PLA2G4A: variants seen among roughly 807,000 people sequenced by gnomAD.
PLA2G4A encodes cytosolic phospholipase A2.
In PLA2G4A, 40 loss-of-function variants were observed where a neutral mutation model predicts 81.9. That is an observed-to-expected ratio of 0.49 (90% CI 0.38 to 0.64). The LOEUF (loss-of-function observed/expected upper bound fraction) is 0.64. Ranked by LOEUF, PLA2G4A falls within the 30% of genes least tolerant of loss-of-function variation. The probability of loss-of-function intolerance (pLI) is 0.00; values close to 1 mark genes in which losing one functional copy is unlikely to be tolerated. For synonymous variants in PLA2G4A, 302 were observed against 296.9 expected (o/e 1.02, Z -0.18); for missense variants, 715 against 905.1 (o/e 0.79, Z 2.69).
intron 5 of PLA2G4A, among the ~76,000 whole-genome samples, chr1:186,901,262 CATTT>C (rs1654528365): frequency 6.6e-6 from 1 of 152,144 alleles, no homozygotes; most frequent in Non-Finnish European, 1.5e-5. Flanking sequence ...ATAGAGAATG[CATTT>C]TTATTTTGGG....
chr1:186,870,594 C>T (rs112048274), intron 3 of PLA2G4A, 78 bp downstream of exon 3: 18 of 1,188,118 alleles, frequency 1.5e-5, no homozygotes, highest in Admixed American at 7.3e-5. Flanking sequence ...CTTGACAAAT[C>T]GGAGGTTCTG....
chr1:186,925,733 C>T (rs2102188880), intron 7 of PLA2G4A, among the ~76,000 whole-genome samples: 1 of 152,286 alleles, frequency 6.6e-6, no homozygotes, highest in East Asian at 1.9e-4. Context: ...CAGTTATGCT[C>T]TCTTATGGCA....
At chr1:186,954,820 T>C (rs6688401) in intron 13 of PLA2G4A, among the ~76,000 whole-genome samples, 145,856 of 152,262 alleles carry the variant, frequency 0.96, 69,907 homozygotes, top group East Asian at 1. Context: ...AAATTATTCT[T>C]TGATTTTGAT....
At chr1:186,971,911 T>C (rs570969812) in intron 15 of PLA2G4A, among the ~76,000 whole-genome samples, 15 of 152,204 alleles carry the variant, frequency 9.9e-5, no homozygotes, top group African/African-American at 3.6e-4. Context: ...AATTTCCTAT[T>C]TTTGAGACTG....
intron 1 of PLA2G4A, among the ~76,000 whole-genome samples, chr1:186,847,806 G>A (rs962614141): frequency 6.6e-6 from 1 of 151,914 alleles, no homozygotes; most frequent in African/African-American, 2.4e-5. Flanking sequence ...ATCAAGAGAG[G>A]GGCTTTAAAG....
At position 186,889,761 on chromosome 1, in the gene PLA2G4A, C is replaced by G. The variant is rs535190077; in HGVS notation, c.116-3250C>G. On this transcript the variant is annotated intron_variant, in intron 3 of 17. Transcript: ENST00000367466. Reference sequence around the variant, plus strand: ...TTTCCTTTATTTTCAACTGTTGGATCTTTTTGTTTAGACCTCTGTACTTCT... The same window carrying G: ...TTTCCTTTATTTTCAACTGTTGGATGTTTTTGTTTAGACCTCTGTACTTCT... Among the ~76,000 whole-genome samples, 44 of 48,304 alleles carry G rather than the reference C, an allele frequency of 9.1e-4. 2 individuals are homozygous for G. In the South Asian group the frequency reaches 0.044, roughly 49 times the overall value. The allele number at this position is 48,304 out of a possible 152,430, so 31.7% of individuals were successfully genotyped here.
intron 10 of PLA2G4A, among the ~76,000 whole-genome samples, chr1:186,941,085 C>T (rs1450905323): frequency 2.1e-5 from 3 of 144,830 alleles, no homozygotes; most frequent in African/African-American, 7.8e-5. Context: ...TGCACTCCAG[C>T]CGGGGCCATA....
chr1:186,925,735 C>T (rs1253735479), intron 7 of PLA2G4A, among the ~76,000 whole-genome samples: 1 of 152,190 alleles, frequency 6.6e-6, no homozygotes, highest in African/African-American at 2.4e-5. Flanking sequence ...GTTATGCTCT[C>T]TTATGGCATA....
At chr1:186,980,067 C>A (rs1464364626) in intron 17 of PLA2G4A, among the ~76,000 whole-genome samples, 1 of 151,124 alleles carries the variant, frequency 6.6e-6, no homozygotes, top group Non-Finnish European at 1.5e-5. Flanking sequence ...CCTGCCTCAG[C>A]CTCCCGAGTA....
chr1:186,859,581 C>A (rs1267361732), intron 2 of PLA2G4A, among the ~76,000 whole-genome samples: 1 of 152,074 alleles, frequency 6.6e-6, no homozygotes, highest in Non-Finnish European at 1.5e-5. Context: ...ACATTAGGGA[C>A]AGTAAACCAT....
chr1:186,842,043 CTT>C (rs34496849), intron 1 of PLA2G4A, among the ~76,000 whole-genome samples: 4,652 of 116,236 alleles, frequency 0.04, 223 homozygotes, highest in African/African-American at 0.14. Flanking sequence ...CATATCATAT[CTT>C]TTTTTTTTTT....
At chr1:186,864,092 T>C (rs1378730693) in intron 2 of PLA2G4A, among the ~76,000 whole-genome samples, 2 of 152,144 alleles carry the variant, frequency 1.3e-5, no homozygotes, top group Admixed American at 1.3e-4. Flanking sequence ...TAGCATAATG[T>C]CCTCCAGGTT....
intron 4 of PLA2G4A, among the ~76,000 whole-genome samples, chr1:186,893,485 C>A (rs185055214): frequency 6.6e-6 from 1 of 152,016 alleles, no homozygotes; most frequent in African/African-American, 2.4e-5. Context: ...TAATTTTTCC[C>A]AAAATATTTG....
intron 5 of PLA2G4A, among the ~76,000 whole-genome samples, chr1:186,904,980 G>C (rs535931442): frequency 6.6e-6 from 1 of 151,974 alleles, no homozygotes; most frequent in South Asian, 2.1e-4. Context: ...TCAGCCTCCC[G>C]AGTAGCTGAG....
chr1:186,919,594 G>A (rs113511869), intron 7 of PLA2G4A, among the ~76,000 whole-genome samples: 4 of 152,130 alleles, frequency 2.6e-5, no homozygotes, highest in African/African-American at 9.7e-5. Context: ...AACATAGTAG[G>A]GGAGTTCTTG....
intron 5 of PLA2G4A, among the ~76,000 whole-genome samples, chr1:186,896,892 C>T (rs1344223716): frequency 6.6e-6 from 1 of 152,084 alleles, no homozygotes; most frequent in Admixed American, 6.6e-5. Context: ...GAGTCCCCTG[C>T]TTGTTCCTCA....
At chr1:186,950,764 T>C in intron 13 of PLA2G4A, 36 bp downstream of exon 13, 2 of 1,131,440 alleles carry the variant, frequency 1.8e-6, no homozygotes, top group Admixed American at 1.7e-5. Context: ...CCCAGATCCA[T>C]GAGGAAAGGA....
At chr1:186,865,807 T>G (rs1291446701) in intron 2 of PLA2G4A, among the ~76,000 whole-genome samples, 1 of 152,200 alleles carries the variant, frequency 6.6e-6, no homozygotes, top group South Asian at 2.1e-4. Context: ...CAATCATAGT[T>G]ACATATATCA....
intron 7 of PLA2G4A, among the ~76,000 whole-genome samples, chr1:186,914,536 T>C (rs756589565): frequency 2.6e-5 from 4 of 152,026 alleles, no homozygotes; most frequent in Non-Finnish European, 5.9e-5. Context: ...GGGGGTCAGC[T>C]TGAGAGGGTC....
Sources: allele counts gnomAD v4.1 joint callset (sites outside exome capture counted in the v4.1 genomes callset), GRCh38; gene constraint gnomAD v4.1.1; transcripts MANE v1.5; gene names NCBI Gene and HGNC (gene_info 2026-07-23, HGNC 2026-07-21).